AGBL4: variants seen among roughly 807,000 people sequenced by gnomAD.
AGBL4 encodes AGBL carboxypeptidase 4.
In AGBL4, 58 loss-of-function variants were observed where a neutral mutation model predicts 66.4. The observed-to-expected ratio is 0.87, with a 90% confidence interval of 0.71 to 1.09. AGBL4 has a LOEUF of 1.09. AGBL4 is among the 50% of genes least tolerant of loss of function. The probability of loss-of-function intolerance (pLI) is 0.00; values close to 1 mark genes in which losing one functional copy is unlikely to be tolerated. For synonymous variants in AGBL4, 234 were observed against 222.9 expected (o/e 1.05, Z -0.44); for missense variants, 579 against 631.0 (o/e 0.92, Z 0.88).
chr1:48,598,713 T>C (rs1316837448), intron 9 of AGBL4, among the ~76,000 whole-genome samples: 1 of 151,990 alleles, frequency 6.6e-6, no homozygotes, highest in Non-Finnish European at 1.5e-5. Flanking sequence ...GAGGTGGAGG[T>C]TGCAGTGCAT....
chr1:49,436,738 A>G (rs1163195517), intron 3 of AGBL4, among the ~76,000 whole-genome samples: 3 of 152,212 alleles, frequency 2.0e-5, no homozygotes, highest in Non-Finnish European at 2.9e-5. Context: ...AAGGGGGTGT[A>G]GTTCCGACGA....
In AGBL4 at chr1:49,684,435, AT is replaced by A. The variant is rs1341666119; in HGVS notation, c.282+12877del. Among the ~76,000 whole-genome samples, 4 of 152,118 alleles carry A rather than the reference AT, an allele frequency of 2.6e-5. No homozygotes were observed. In the East Asian group the frequency reaches 7.7e-4, roughly 29 times the overall value. On this transcript the variant is annotated intron_variant, in intron 3 of 13. Transcript: ENST00000371839. The stretch of plus-strand genomic sequence containing the variant: ...ATGTCACAATAAGTTTCCAGTCTAA[AT>A]TTGGGTCTTTTTTAATTGTTCAGCA...
intron 3 of AGBL4, among the ~76,000 whole-genome samples, chr1:49,266,697 G>A (rs1195724965): frequency 6.6e-6 from 1 of 152,024 alleles, no homozygotes; most frequent in Non-Finnish European, 1.5e-5. Flanking sequence ...AATAAGGACT[G>A]GCCAGGCAGT....
chr1:49,423,991 A>C (rs1002723056), intron 3 of AGBL4, among the ~76,000 whole-genome samples: 2 of 152,102 alleles, frequency 1.3e-5, no homozygotes, highest in African/African-American at 4.8e-5. Flanking sequence ...GTTAGTGCTA[A>C]TTTGAATCTC....
At chr1:49,302,401 C>T (rs79892956) in intron 3 of AGBL4, among the ~76,000 whole-genome samples, 1 of 151,434 alleles carries the variant, frequency 6.6e-6, no homozygotes, top group Non-Finnish European at 1.5e-5. Context: ...TACAGGCATA[C>T]ACCACCACAC....
chr1:50,015,662 T>A (rs1661923427), intron 1 of AGBL4, among the ~76,000 whole-genome samples: 1 of 151,892 alleles, frequency 6.6e-6, no homozygotes, highest in Non-Finnish European at 1.5e-5. Context: ...TCTCAAAACA[T>A]AAATAAATAT....
chr1:49,746,885 A>G (rs1020773754), intron 2 of AGBL4, among the ~76,000 whole-genome samples: 4 of 152,106 alleles, frequency 2.6e-5, no homozygotes, highest in African/African-American at 9.7e-5. Context: ...TTGATGATAA[A>G]CCAAAGGATA....
chr1:48,911,039 C>A (rs1047928937), intron 5 of AGBL4, among the ~76,000 whole-genome samples: 6 of 152,094 alleles, frequency 3.9e-5, no homozygotes, highest in African/African-American at 1.4e-4. Flanking sequence ...GTTTTTTGAT[C>A]AGTTTTGTGT....
intron 3 of AGBL4, among the ~76,000 whole-genome samples, chr1:49,267,554 C>G (rs1643950491): frequency 6.6e-6 from 1 of 152,014 alleles, no homozygotes; most frequent in Non-Finnish European, 1.5e-5. Flanking sequence ...GTGGCACACG[C>G]CTGTAGTCCA....
At chr1:49,539,595 T>C (rs1354665194) in intron 3 of AGBL4, among the ~76,000 whole-genome samples, 1 of 152,242 alleles carries the variant, frequency 6.6e-6, no homozygotes, top group Non-Finnish European at 1.5e-5. Context: ...CCTACTGGAT[T>C]ACTCAGGAAA....
intron 3 of AGBL4, among the ~76,000 whole-genome samples, chr1:49,609,625 G>A (rs180895779): frequency 4.6e-5 from 7 of 152,054 alleles, no homozygotes; most frequent in Non-Finnish European, 7.4e-5. Context: ...TTTAGTTTCA[G>A]GGGTACATGT....
intron 3 of AGBL4, among the ~76,000 whole-genome samples, chr1:49,427,061 G>A (rs1013252239): frequency 3.9e-5 from 6 of 152,214 alleles, no homozygotes; most frequent in Admixed American, 2.0e-4. Flanking sequence ...CAGATGTAGT[G>A]AGGCATTTAT....
chr1:48,639,095 G>T (rs1331800346), intron 8 of AGBL4, among the ~76,000 whole-genome samples: 1 of 152,180 alleles, frequency 6.6e-6, no homozygotes, highest in Non-Finnish European at 1.5e-5. Context: ...ATTGTTAGAG[G>T]TCAGAGATCC....
At chr1:49,182,684 G>GT (rs369573316) in intron 4 of AGBL4, among the ~76,000 whole-genome samples, 138 of 148,598 alleles carry the variant, frequency 9.3e-4, no homozygotes, top group Admixed American at 3.6e-3. Context: ...GGTATAAGCT[G>GT]TTTTTTTTTT....
rs541288818 is a variant in AGBL4 at position 48,840,476 on chromosome 1, T to G, written c.634+26715A>C. Among the ~76,000 whole-genome samples, 8 of 152,310 alleles carry G rather than the reference T, an allele frequency of 5.3e-5. No homozygotes were observed. The South Asian group carries it at 6.2e-4, about 12-fold the overall frequency. On this transcript the variant is annotated intron_variant, in intron 6 of 13. Coordinates refer to ENST00000371839, the MANE Select transcript of AGBL4 (RefSeq NM_032785.4). ...CATGCATGTAAGATACCTAACAGTG[T>G]AGGAGCTTAAAATGAATTTATGTAT...
chr1:49,223,117 C>A (rs1272630569), intron 4 of AGBL4, among the ~76,000 whole-genome samples: 1 of 151,950 alleles, frequency 6.6e-6, no homozygotes, highest in East Asian at 1.9e-4. Context: ...AAGACCTGGG[C>A]CTTCAGACTC....
intron 6 of AGBL4, among the ~76,000 whole-genome samples, chr1:48,712,343 C>A (rs1487771972): frequency 6.6e-6 from 1 of 152,192 alleles, no homozygotes; most frequent in Non-Finnish European, 1.5e-5. Flanking sequence ...CAGGACCTGG[C>A]CCTTTTCTAA....
chr1:49,778,895 C>A (rs1644266347), intron 2 of AGBL4, among the ~76,000 whole-genome samples: 1 of 152,138 alleles, frequency 6.6e-6, no homozygotes, highest in Non-Finnish European at 1.5e-5. Context: ...TAAGCCCAAT[C>A]TCCACCAGTA....
At chr1:48,961,940 C>A (rs1658023720) in intron 5 of AGBL4, among the ~76,000 whole-genome samples, 1 of 152,156 alleles carries the variant, frequency 6.6e-6, no homozygotes, top group Non-Finnish European at 1.5e-5. Flanking sequence ...ATTCTGGCTA[C>A]AAATACCAAT....
Sources: gnomAD v4.1 joint callset for allele counts (sites outside exome capture counted in the v4.1 genomes callset) on GRCh38, gnomAD v4.1.1 for gene constraint, MANE v1.5 for transcripts, NCBI Gene and HGNC (gene_info 2026-07-23, HGNC 2026-07-21) for gene names.